Variants in FER observed in about 807,000 individuals in gnomAD.
FER encodes the protein tyrosine-protein kinase Fer.
Under a neutral mutation model 111.0 loss-of-function variants are expected in FER, and 63 were observed. That is an observed-to-expected ratio of 0.57 (90% CI 0.46 to 0.70). The LOEUF is 0.70. Among genes scored for constraint, FER ranks in the 30% least tolerant of loss-of-function variants. The pLI, the probability that FER is intolerant of heterozygous loss-of-function variation, is 0.00. For synonymous variants in FER, 327 were observed against 313.9 expected (o/e 1.04, Z -0.44); for missense variants, 914 against 954.0 (o/e 0.96, Z 0.55).
intron 17 of FER, among the ~76,000 whole-genome samples, chr5:109,124,897 T>G (rs1191115507): frequency 2.0e-5 from 3 of 151,756 alleles, no homozygotes; most frequent in African/African-American, 7.3e-5. Context: ...ATACAAAAAA[T>G]TAGCCAGGCG....
At chr5:108,996,697 T>A (rs904043444) in intron 13 of FER, among the ~76,000 whole-genome samples, 1 of 152,206 alleles carries the variant, frequency 6.6e-6, no homozygotes, top group Admixed American at 6.5e-5. Flanking sequence ...GGTAGCATGA[T>A]GCCTCCAGCA....
chr5:109,079,823 A>G lies in FER; in HGVS notation c.1925-20573A>G, dbSNP rs1488243796. On this transcript the variant is annotated intron_variant, in intron 16 of 19. Transcript: ENST00000281092. ...CCCTGCAATGTAGCTGTCAGACATC[A>G]TAGCCAAGCCAATGCCAACCCCACA... Among the ~76,000 whole-genome samples, 3 of 152,122 alleles carry G rather than the reference A, an allele frequency of 2.0e-5. No individual in the cohort carries two copies. The East Asian group carries it at 5.8e-4, about 29-fold the overall frequency.
chr5:109,105,398 G>A (rs1006084090), intron 17 of FER, among the ~76,000 whole-genome samples: 2 of 151,904 alleles, frequency 1.3e-5, no homozygotes, highest in South Asian at 2.1e-4. Flanking sequence ...ATTACCTAGT[G>A]TCTGAGCTTT....
intron 5 of FER, among the ~76,000 whole-genome samples, chr5:108,851,031 T>A (rs1032356425): frequency 6.6e-6 from 1 of 152,192 alleles, no homozygotes; most frequent in African/African-American, 2.4e-5. Flanking sequence ...TTTATCATCC[T>A]TCCTAATTTG....
intron 17 of FER, among the ~76,000 whole-genome samples, chr5:109,179,281 C>A (rs561346966): frequency 6.6e-6 from 1 of 152,242 alleles, no homozygotes; most frequent in South Asian, 2.1e-4. Context: ...CTTGCTTTGA[C>A]CTCAATAGAA....
At chr5:109,140,820 G>A (rs1753443550) in intron 17 of FER, among the ~76,000 whole-genome samples, 1 of 152,156 alleles carries the variant, frequency 6.6e-6, no homozygotes, top group East Asian at 1.9e-4. Context: ...GGAAGAGATT[G>A]TTATGTGACA....
chr5:108,838,766 A>G (rs1760932672), intron 5 of FER, among the ~76,000 whole-genome samples: 1 of 152,194 alleles, frequency 6.6e-6, no homozygotes, highest in Non-Finnish European at 1.5e-5. Flanking sequence ...CCTTAAAATA[A>G]TACACCTTAA....
chr5:109,010,957 T>C (rs920479762), intron 13 of FER, among the ~76,000 whole-genome samples: 4 of 152,194 alleles, frequency 2.6e-5, no homozygotes, highest in Admixed American at 6.5e-5. Flanking sequence ...GTGAGGAACA[T>C]ACATATGGAA....
At chr5:108,860,869 G>A (rs1223546010) in intron 5 of FER, among the ~76,000 whole-genome samples, 1 of 152,210 alleles carries the variant, frequency 6.6e-6, no homozygotes, top group African/African-American at 2.4e-5. Flanking sequence ...AGAGGAAGAG[G>A]CATGACTTCA....
intron 2 of FER, among the ~76,000 whole-genome samples, chr5:108,776,487 A>G (rs772552011): frequency 1.4e-4 from 22 of 152,156 alleles, no homozygotes; most frequent in Non-Finnish European, 2.8e-4. Context: ...GAATGTAAAA[A>G]TTGCCAGTTG....
At chr5:108,953,063 C>CT (rs745552146) in intron 11 of FER, among the ~76,000 whole-genome samples, 1 of 151,968 alleles carries the variant, frequency 6.6e-6, no homozygotes, top group East Asian at 1.9e-4. Flanking sequence ...AGAATTTACT[C>CT]TAATTAGATG....
chr5:108,803,787 TCTTTA>T (rs938460312), intron 3 of FER, among the ~76,000 whole-genome samples: 16 of 152,190 alleles, frequency 1.1e-4, no homozygotes, highest in Non-Finnish European at 1.3e-4. Flanking sequence ...GGCTTTGTTC[TCTTTA>T]CTTAGGACTG....
intron 13 of FER, among the ~76,000 whole-genome samples, chr5:109,016,891 C>G (rs774547737): frequency 9.2e-5 from 14 of 151,906 alleles, no homozygotes; most frequent in Non-Finnish European, 1.9e-4. Context: ...CCTCCTAATT[C>G]AATAGGTTTT....
At chr5:108,818,743 T>G (rs181987496) in intron 3 of FER, among the ~76,000 whole-genome samples, 7 of 152,268 alleles carry the variant, frequency 4.6e-5, no homozygotes, top group Non-Finnish European at 7.4e-5. Context: ...TTACTTTAGT[T>G]AGAAAGGCAG....
chr5:108,967,960 CT>C (rs1311740733), intron 13 of FER, among the ~76,000 whole-genome samples: 1 of 152,052 alleles, frequency 6.6e-6, no homozygotes, highest in Non-Finnish European at 1.5e-5. Flanking sequence ...GGACCTGCCC[CT>C]ATCTGCCTAG....
At chr5:108,769,530 G>A (rs1752671472) in intron 2 of FER, among the ~76,000 whole-genome samples, 1 of 152,190 alleles carries the variant, frequency 6.6e-6, no homozygotes, top group African/African-American at 2.4e-5. Flanking sequence ...ACATGGACTG[G>A]TTGAAAGGAA....
chr5:109,142,202 A>G (rs1753599104), intron 17 of FER, among the ~76,000 whole-genome samples: 1 of 152,208 alleles, frequency 6.6e-6, no homozygotes, highest in African/African-American at 2.4e-5. Context: ...TATTTACACA[A>G]TGGGAGTTTT....
intron 17 of FER, among the ~76,000 whole-genome samples, chr5:109,165,958 A>G (rs779499507): frequency 3.3e-5 from 5 of 152,102 alleles, no homozygotes; most frequent in South Asian, 2.1e-4. Context: ...CAGGACCACA[A>G]GGCAGGGGAA....
intron 4 of FER, among the ~76,000 whole-genome samples, chr5:108,833,935 A>G (rs1210761336): frequency 6.6e-6 from 1 of 151,820 alleles, no homozygotes; most frequent in African/African-American, 2.4e-5. Flanking sequence ...TAATTCCTTC[A>G]TGTTATCGAA....
Sources: gnomAD v4.1 joint callset for allele counts (sites outside exome capture counted in the v4.1 genomes callset) on GRCh38, gnomAD v4.1.1 for gene constraint, MANE v1.5 for transcripts, NCBI Gene and HGNC (gene_info 2026-07-23, HGNC 2026-07-21) for gene names.